Variants in OSBP observed in about 807,000 individuals in gnomAD.
The protein encoded by OSBP is oxysterol-binding protein 1.
A neutral mutation model predicts 96.6 loss-of-function variants in OSBP; 32 were observed. The ratio of observed to expected loss-of-function variants is 0.33; its 90% CI spans 0.25 to 0.45. OSBP has a LOEUF of 0.45. Ranked by LOEUF, OSBP falls within the 20% of genes least tolerant of loss-of-function variation. The probability of loss-of-function intolerance (pLI) is 1.00; values close to 1 mark genes in which losing one functional copy is unlikely to be tolerated. For missense variants in OSBP, 653 were observed against 1,029.7 expected (o/e 0.63, Z 5.01); for synonymous variants, 369 against 389.6 (o/e 0.95, Z 0.62).
chr11:59,591,768 C>T (rs1196888113), intron 9 of OSBP, among the ~76,000 whole-genome samples: 1 of 151,780 alleles, frequency 6.6e-6, no homozygotes, highest in Non-Finnish European at 1.5e-5. Context: ...TTACAGGCAC[C>T]CACCACCACG....
intron 11 of OSBP, 97 bp from the exon 12 acceptor site, chr11:59,578,427 C>T: frequency 8.5e-7 from 1 of 1,176,080 alleles, no homozygotes; most frequent in Non-Finnish European, 1.2e-6. Flanking sequence ...ATGGTTAGGT[C>T]CTGTTATAAC....
chr11:59,593,137 G>A (rs1470255846), intron 9 of OSBP, among the ~76,000 whole-genome samples: 1 of 152,062 alleles, frequency 6.6e-6, no homozygotes, highest in African/African-American at 2.4e-5. Context: ...CAGTGACCTA[G>A]AATTCAGCCA....
chr11:59,583,952 T>G (rs1476790432), intron 9 of OSBP, among the ~76,000 whole-genome samples: 3 of 148,274 alleles, frequency 2.0e-5, no homozygotes, highest in Non-Finnish European at 4.5e-5. Context: ...TTTTTTTTTT[T>G]TTTTTTTTTT....
In OSBP at chr11:59,612,803, G is replaced by A. The variant is rs143533661; in HGVS notation, c.363-2214C>T. 2.3e-3 allele frequency among the ~76,000 whole-genome samples: 355 copies of A among 152,260 alleles called. 1 individual carries two copies. The highest frequency in any genetic ancestry group is 4.4e-3 in the Non-Finnish European group (296 of 68,022). On this transcript the variant is annotated intron_variant, in intron 1 of 13. Coordinates refer to ENST00000263847, the MANE Select transcript of OSBP (RefSeq NM_002556.3). The stretch of plus-strand genomic sequence containing the variant: ...TTCAATCTCTAGAAGCTAGCCAGGA[G>A]AACTAATACTATGGCCTGTCACAAT...
At chr11:59,599,509 C>T (rs1410072408) in intron 7 of OSBP, among the ~76,000 whole-genome samples, 1 of 151,928 alleles carries the variant, frequency 6.6e-6, no homozygotes. Flanking sequence ...TGAAAACTAG[C>T]GCAACATCAG....
intron 11 of OSBP, among the ~76,000 whole-genome samples, chr11:59,579,494 C>T (rs1033977025): frequency 6.6e-6 from 1 of 151,652 alleles, no homozygotes; most frequent in Admixed American, 6.6e-5. Flanking sequence ...CCACCATGCC[C>T]GGCTAATTTT....
rs746607347 is a variant in OSBP, at chr11:59,601,683, C to T, written c.978G>A (p.Thr326=). 9.9e-6 allele frequency: 16 copies of T among 1,613,238 alleles called. No homozygotes were observed. Among genetic ancestry groups the T allele is most frequent in the East Asian group, 6.7e-5 (3 of 44,888 alleles). ...NHLERAFRGA[T]VLPANTPGNV... ...TGCCAGGAGTGTTTGCCGGCAGCACCGTGGCTCCTCGGAAGGCCCTCTCCA... is the reference window on the plus strand; with the variant it reads ...TGCCAGGAGTGTTTGCCGGCAGCACTGTGGCTCCTCGGAAGGCCCTCTCCA... Residue 326 remains threonine, a synonymous_variant, in exon 4 of 14, where the codon ACG becomes ACA. Coordinates refer to ENST00000263847, the MANE Select transcript of OSBP (RefSeq NM_002556.3).
At chr11:59,604,402 A>G (rs549144677) in intron 3 of OSBP, among the ~76,000 whole-genome samples, 1 of 152,292 alleles carries the variant, frequency 6.6e-6, no homozygotes, top group East Asian at 1.9e-4. Context: ...AAAAAAAGAT[A>G]TAAAAATTTA....
At chr11:59,583,826 G>T (rs1449416551) in intron 9 of OSBP, among the ~76,000 whole-genome samples, 1 of 150,942 alleles carries the variant, frequency 6.6e-6, no homozygotes, top group African/African-American at 2.4e-5. Context: ...TTTTAGTAGA[G>T]ACAGGGTTTC....
At chr11:59,596,000 A>AAAT (rs1565117893) in intron 7 of OSBP, among the ~76,000 whole-genome samples, 1 of 145,564 alleles carries the variant, frequency 6.9e-6, no homozygotes, top group Non-Finnish European at 1.5e-5. Context: ...AATAAATAAA[A>AAAT]TTCATAAACT....
intron 3 of OSBP, among the ~76,000 whole-genome samples, chr11:59,603,017 ATCTT>A (rs1294575847): frequency 6.6e-6 from 1 of 152,116 alleles, no homozygotes; most frequent in Admixed American, 6.5e-5. Context: ...GAAAGGGCAA[ATCTT>A]TCTTTAAGAT....
At chr11:59,601,486 G>A in intron 4 of OSBP, 101 bp from the exon 5 acceptor site, 1 of 1,155,404 alleles carries the variant, frequency 8.7e-7, no homozygotes, top group Admixed American at 1.9e-5. Flanking sequence ...AGCAAAAAAT[G>A]GTAGAAAGCA....
intron 9 of OSBP, among the ~76,000 whole-genome samples, chr11:59,588,367 C>G (rs1382077367): frequency 6.6e-6 from 1 of 151,806 alleles, no homozygotes; most frequent in Non-Finnish European, 1.5e-5. Context: ...AACCCCATCT[C>G]TACTAAAACA....
At chr11:59,584,074 T>C (rs1565114753) in intron 9 of OSBP, among the ~76,000 whole-genome samples, 1 of 151,646 alleles carries the variant, frequency 6.6e-6, no homozygotes. Flanking sequence ...GCCTCCCAAG[T>C]AGCTGGGACT....
At chr11:59,597,403 T>C (rs577655243) in intron 7 of OSBP, among the ~76,000 whole-genome samples, 6 of 152,230 alleles carry the variant, frequency 3.9e-5, no homozygotes, top group Admixed American at 1.3e-4. Flanking sequence ...ATGACATGCC[T>C]TTCCAGTCCA....
chr11:59,577,710 T>G (rs1339363097), intron 12 of OSBP, among the ~76,000 whole-genome samples: 1 of 152,148 alleles, frequency 6.6e-6, no homozygotes. Context: ...AGGCTGGTCT[T>G]GAACTCCTAA....
rs536187182 is a variant in OSBP at position 59,609,563 on chromosome 11, T to C, written c.571+818A>G. Among the ~76,000 whole-genome samples, 6 of 151,850 alleles carry C rather than the reference T, an allele frequency of 4.0e-5. No individual in the cohort carries two copies. In the South Asian group the frequency reaches 6.3e-4, roughly 16 times the overall value. ...GGGCCAAAGTCAAAATATAACTTAC[T>C]ACCAAACAATTTACAAACCAGTGAA... On this transcript the variant is annotated intron_variant, in intron 2 of 13. Coordinates refer to ENST00000263847, the MANE Select transcript of OSBP (RefSeq NM_002556.3).
At chr11:59,598,942 G>A (rs772396042) in intron 7 of OSBP, among the ~76,000 whole-genome samples, 4 of 152,182 alleles carry the variant, frequency 2.6e-5, no homozygotes, top group African/African-American at 7.2e-5. Flanking sequence ...TTTCCGGCTA[G>A]CTGGAATAAG....
chr11:59,615,749 A>C lies in OSBP; in HGVS notation c.-85T>G. ...CCGGAGCGCCCCACACGGCTACCGC[A>C]TCAGCCACCGCCGCGCAGCGTCCCC... On this transcript the variant is annotated 5_prime_UTR_variant, in exon 1 of 14. The change abolishes an upstream ATG in the 5' untranslated region. Coordinates refer to ENST00000263847, the MANE Select transcript of OSBP (RefSeq NM_002556.3). The C allele has an allele frequency of 8.2e-7, 1 of 1,221,862 alleles. No individual in the cohort carries two copies. Among genetic ancestry groups the C allele is most frequent in the South Asian group, 3.2e-5 (1 of 31,290 alleles). The allele number at this position is 1,221,862 out of a possible 1,614,324, so 75.7% of individuals were successfully genotyped here. A position where few individuals can be genotyped will look rare whatever the true frequency, so the allele number is the denominator to read the frequency against.
Sources: gnomAD v4.1 joint callset for allele counts (sites outside exome capture counted in the v4.1 genomes callset) on GRCh38, gnomAD v4.1.1 for gene constraint, MANE v1.5 for transcripts, NCBI Gene and HGNC (gene_info 2026-07-23, HGNC 2026-07-21) for gene names.